The following ZFP30 variants were observed in gnomAD, a reference collection of about 807,000 sequenced individuals.
ZFP30 encodes the protein ZFP30 zinc finger protein.
A neutral mutation model predicts 12.3 loss-of-function variants in ZFP30; 16 were observed. That is an observed-to-expected ratio of 1.30 (90% CI 0.88 to 1.98). ZFP30 has a LOEUF of 1.98. Ranked by LOEUF, ZFP30 falls within the 30% of genes most tolerant of loss-of-function variation. The pLI is 0.00. For missense variants in ZFP30, 560 were observed against 611.2 expected, an observed-to-expected ratio of 0.92 and a Z score of 0.88; for synonymous variants, 172 against 201.0, an observed-to-expected ratio of 0.86 and a Z score of 1.22.
rs1366020554 is a variant in ZFP30 at position 37,654,714 on chromosome 19, G to A, written c.-80C>T. On this transcript the variant is annotated splice_region_variant and 5_prime_UTR_variant, in exon 2 of 6. Transcript: ENST00000684514. Reference sequence around the variant, plus strand: ...ACAAAGCAGCAGCACGAACTCACAGGGAACCGGCTTTTAGAAGAGCAGCAG... The same window carrying A: ...ACAAAGCAGCAGCACGAACTCACAGAGAACCGGCTTTTAGAAGAGCAGCAG... The A allele has an allele frequency of 6.6e-6, 1 of 152,276 alleles. No homozygotes were observed. Among genetic ancestry groups the A allele is most frequent in the African/African-American group, 2.4e-5 (1 of 41,444 alleles). The allele number at this position is 152,276 out of a possible 1,614,324, so 9.4% of individuals were successfully genotyped here.
At chr19:37,651,619 A>G (rs2147292358) in intron 2 of ZFP30, 1 of 152,282 alleles carries the variant, frequency 6.6e-6, no homozygotes, top group African/African-American at 2.4e-5. Flanking sequence ...TTATATTCTA[A>G]GAATGAAAAA....
rs867582699 is a variant in ZFP30 at position 37,635,637 on chromosome 19, C to G, written c.904G>C (p.Glu302Gln). ...CTACACAGAAAGGCCTGACCACATT[C>G]CTTACACTCATAGCACTTCTCAGCA... ...NIAEKCYECKECGQAFLCSTG... is the reference protein window; with the variant it reads ...NIAEKCYECKQCGQAFLCSTG... The change falls in exon 6 of 6, where the codon GAA becomes CAA. Residue 302 changes from glutamate to glutamine, a missense_variant. Transcript: ENST00000684514. 3.7e-6 allele frequency: 6 copies of G among 1,614,028 alleles called. No individual in the cohort carries two copies. In the Middle Eastern group the frequency reaches 4.9e-4, roughly 133 times the overall value.
chr19:37,655,403 C>G lies in ZFP30; in HGVS notation c.-246+17G>C, dbSNP rs907047171. Reference sequence around the variant, plus strand: ...GCAGCGGCCACAGTGGCGCCCGGCTCCCAGCCCCAGCCTCACCCGACTCAG... The same window carrying G: ...GCAGCGGCCACAGTGGCGCCCGGCTGCCAGCCCCAGCCTCACCCGACTCAG... On this transcript the variant is annotated intron_variant, in intron 1 of 5. Coordinates refer to ENST00000684514, the MANE Select transcript of ZFP30 (RefSeq NM_001320669.3). 2.6e-5 allele frequency: 4 copies of G among 152,578 alleles called. No homozygotes were observed. The highest frequency in any genetic ancestry group is 9.6e-5 in the African/African-American group (4 of 41,482). 9.5% of individuals were successfully genotyped at this position (152,578 alleles called of 1,614,324 possible). A position where few individuals can be genotyped will look rare whatever the true frequency, so the allele number is the denominator to read the frequency against.
intron 2 of ZFP30, among the ~76,000 whole-genome samples, chr19:37,650,016 C>T (rs2044618134): frequency 6.6e-6 from 1 of 151,856 alleles, no homozygotes; most frequent in African/African-American, 2.4e-5. Context: ...CATGTATATG[C>T]ATGTGTATAA....
intron 2 of ZFP30, among the ~76,000 whole-genome samples, chr19:37,651,178 C>T (rs2147291037): frequency 6.6e-6 from 1 of 151,976 alleles, no homozygotes; most frequent in East Asian, 1.9e-4. Context: ...ACTTTTTTTT[C>T]TGAGATTAAA....
chr19:37,647,808 A>G lies in ZFP30; in HGVS notation c.9+6T>C, dbSNP rs779323338. On this transcript the variant is annotated splice_donor_region_variant and intron_variant, in intron 3 of 5. Coordinates refer to ENST00000684514, the MANE Select transcript of ZFP30 (RefSeq NM_001320669.3). The stretch of plus-strand genomic sequence containing the variant: ...AATTCCAAAGTAGAGAGAAATTCCA[A>G]CTTACACGAGCCATGATTTTAGAAC... 4 of 1,614,036 alleles carry G rather than the reference A, an allele frequency of 2.5e-6. No individual in the cohort carries two copies. The highest frequency in any genetic ancestry group is 3.3e-5 in the Admixed American group (2 of 60,008).
intron 2 of ZFP30, among the ~76,000 whole-genome samples, chr19:37,652,675 T>G (rs949289965): frequency 1.3e-5 from 2 of 152,194 alleles, no homozygotes; most frequent in Non-Finnish European, 2.9e-5. Context: ...TTCTGGACAT[T>G]GGGACCATTG....
At chr19:37,653,074 G>A (rs1378939096) in intron 2 of ZFP30, among the ~76,000 whole-genome samples, 7 of 150,166 alleles carry the variant, frequency 4.7e-5, no homozygotes, top group Non-Finnish European at 8.9e-5. Flanking sequence ...CTGAGATTTC[G>A]GCATTGCACT....
rs1180870011 is a variant in ZFP30 at position 37,644,603 on chromosome 19, G to C, written c.136+7C>G. 9 of 1,594,246 alleles carry C rather than the reference G, an allele frequency of 5.6e-6. No individual in the cohort carries two copies. Among genetic ancestry groups the C allele is most frequent in the East Asian group, 2.3e-5 (1 of 43,978 alleles). ...TAAATTATCTGACACAGATATGCTA[G>C]GCTTACCCAGTGACACCAAGTTGCT... On this transcript the variant is annotated splice_region_variant and intron_variant, in intron 4 of 5. Coordinates refer to ENST00000684514, the MANE Select transcript of ZFP30 (RefSeq NM_001320669.3).
At position 37,644,642 on chromosome 19, in the gene ZFP30, A is replaced by G. The variant is rs760324224; in HGVS notation, c.104T>C (p.Ile35Thr). The G allele has an allele frequency of 4.3e-6, 7 of 1,610,916 alleles. No individual in the cohort carries two copies. In the African/African-American group the frequency reaches 8.0e-5, roughly 18 times the overall value. ...CACCAAGTTGCTATAGTTCTCTAAT[A>G]TCACATCTCTGTACAAATTCCTCTG... ...SYQRNLYRDV[I>T]LENYSNLVSL... Residue 35 changes from isoleucine (I) to threonine (T), a missense_variant, in exon 4 of 6, where the codon ATA (isoleucine) becomes ACA (threonine). Transcript: ENST00000684514.
rs375188837 is a variant in ZFP30, at chr19:37,634,709, T to C, written c.*272A>G. ...GTGTATATACACAGATGGAAGAATA[T>C]GGAGATAATAATAGGTAAGATCAAA... On this transcript the variant is annotated 3_prime_UTR_variant, in exon 6 of 6. Coordinates refer to ENST00000684514, the MANE Select transcript of ZFP30 (RefSeq NM_001320669.3). The C allele has an allele frequency of 6.2e-6, 2 of 323,856 alleles. No homozygotes were observed. The allele number at this position is 323,856 out of a possible 1,614,324, so 20.1% of individuals were successfully genotyped here. A position where few individuals can be genotyped will look rare whatever the true frequency, so the allele number is the denominator to read the frequency against.
intron 5 of ZFP30, among the ~76,000 whole-genome samples, chr19:37,637,266 G>A (rs922311470): frequency 1.4e-5 from 2 of 145,480 alleles, no homozygotes; most frequent in Non-Finnish European, 3.0e-5. Context: ...GTGGAATGGC[G>A]CAATCTCGGC....
At chr19:37,641,988 G>C (rs1246485969) in intron 5 of ZFP30, among the ~76,000 whole-genome samples, 2 of 152,200 alleles carry the variant, frequency 1.3e-5, no homozygotes, top group African/African-American at 4.8e-5. Flanking sequence ...TTAGATGCTT[G>C]ATAAGACTTA....
At chr19:37,644,845 G>C (rs997731334) in intron 3 of ZFP30, 109 bp from the exon 4 acceptor site, 1 of 1,136,382 alleles carries the variant, frequency 8.8e-7, no homozygotes, top group Non-Finnish European at 1.2e-6. Context: ...AGCTTTGGGA[G>C]CCTGAAGCAG....
chr19:37,644,445 A>C, intron 4 of ZFP30, 165 bp downstream of exon 4: 1 of 569,280 alleles, frequency 1.8e-6, no homozygotes. Context: ...GAGGCAGTAG[A>C]ATCGCTTGAA....
chr19:37,639,233 GCAT>G (rs2044388970), intron 5 of ZFP30, among the ~76,000 whole-genome samples: 1 of 152,040 alleles, frequency 6.6e-6, no homozygotes, highest in Non-Finnish European at 1.5e-5. Context: ...ATTAATAAAA[GCAT>G]CATAATTAGC....
chr19:37,648,486 T>A (rs569945010), intron 2 of ZFP30, among the ~76,000 whole-genome samples: 5 of 152,192 alleles, frequency 3.3e-5, no homozygotes, highest in Non-Finnish European at 5.9e-5. Flanking sequence ...ATTTTTTTTT[T>A]AACTACCTCC....
intron 2 of ZFP30, among the ~76,000 whole-genome samples, chr19:37,653,042 G>A (rs995050297): frequency 2.6e-5 from 4 of 151,444 alleles, no homozygotes; most frequent in Non-Finnish European, 5.9e-5. Context: ...GCTTGAACCC[G>A]GGAGGCAGCG....
At chr19:37,637,887 C>T (rs2044362118) in intron 5 of ZFP30, among the ~76,000 whole-genome samples, 1 of 152,184 alleles carries the variant, frequency 6.6e-6, no homozygotes, top group Non-Finnish European at 1.5e-5. Context: ...TCCCCAAGGG[C>T]AGAAACAATT....
Sources: allele counts gnomAD v4.1 joint callset (sites outside exome capture counted in the v4.1 genomes callset), GRCh38; gene constraint gnomAD v4.1.1; transcripts MANE v1.5; gene names NCBI Gene and HGNC (gene_info 2026-07-23, HGNC 2026-07-21).